ABCA13: variants seen among roughly 807,000 people sequenced by gnomAD.
The protein encoded by ABCA13 is ATP binding cassette subfamily A member 13, also known as ATP-binding cassette sub-family A member 13.
In ABCA13, 476 loss-of-function variants were observed where a neutral mutation model predicts 478.7. The observed-to-expected ratio is 0.99, with a 90% CI of 0.92 to 1.07. ABCA13 has a LOEUF of 1.07. ABCA13 is among the 50% of genes least tolerant of loss of function. The probability of loss-of-function intolerance (pLI) is 0.00; values close to 1 mark genes in which losing one functional copy is unlikely to be tolerated. For synonymous variants in ABCA13, 2,252 were observed against 2,158.9 expected (o/e 1.04, Z -1.20); for missense variants, 6,060 against 5,910.6 (o/e 1.03, Z -0.83).
At chr7:48,587,103 G>A in intron 56 of ABCA13, 51 bp from the exon 57 acceptor site, 9 of 1,607,696 alleles carry the variant, frequency 5.6e-6, no homozygotes, top group Non-Finnish European at 5.9e-6. Context: ...CAGCTGTCTG[G>A]TGGGCACTTT....
chr7:48,294,779 C>G (rs1304754351), intron 20 of ABCA13, among the ~76,000 whole-genome samples: 1 of 152,194 alleles, frequency 6.6e-6, no homozygotes, highest in East Asian at 1.9e-4. Context: ...AAAAGTTTGA[C>G]TCTACATGTA....
intron 16 of ABCA13, among the ~76,000 whole-genome samples, chr7:48,271,326 G>A (rs987597518): frequency 8.1e-6 from 1 of 123,596 alleles, no homozygotes; most frequent in African/African-American, 3.3e-5. Context: ...GATGTATATA[G>A]TATTGTTGAA....
At chr7:48,177,519 C>A (rs190801647) in intron 1 of ABCA13, among the ~76,000 whole-genome samples, 1 of 152,196 alleles carries the variant, frequency 6.6e-6, no homozygotes, top group African/African-American at 2.4e-5. Context: ...CGCTCAGCTG[C>A]AGACTCCAGC....
At chr7:48,608,073 G>C (rs1417591197) in intron 58 of ABCA13, among the ~76,000 whole-genome samples, 1 of 152,072 alleles carries the variant, frequency 6.6e-6, no homozygotes, top group Admixed American at 6.5e-5. Context: ...TAGAGACAGG[G>C]TTTCACCATG....
At chr7:48,545,424 C>A (rs1784736737) in intron 55 of ABCA13, among the ~76,000 whole-genome samples, 1 of 151,686 alleles carries the variant, frequency 6.6e-6, no homozygotes, top group Non-Finnish European at 1.5e-5. Context: ...AATTTGACTA[C>A]CTGTGATCTG....
chr7:48,554,756 ATAT>A (rs1169953309), intron 55 of ABCA13, among the ~76,000 whole-genome samples: 1 of 151,136 alleles, frequency 6.6e-6, no homozygotes, highest in African/African-American at 2.4e-5. Flanking sequence ...ATATAAGATA[ATAT>A]TATCTGCAGC....
At chr7:48,238,865 T>C (rs995254779) in intron 8 of ABCA13, among the ~76,000 whole-genome samples, 2 of 152,240 alleles carry the variant, frequency 1.3e-5, no homozygotes, top group Non-Finnish European at 2.9e-5. Flanking sequence ...TCCAATTTTA[T>C]CCACTTTTGA....
intron 45 of ABCA13, among the ~76,000 whole-genome samples, chr7:48,472,379 A>T (rs1827592142): frequency 6.6e-6 from 1 of 152,184 alleles, no homozygotes; most frequent in Non-Finnish European, 1.5e-5. Context: ...AACTGAGACA[A>T]ATTAATATAG....
intron 24 of ABCA13, among the ~76,000 whole-genome samples, chr7:48,311,058 C>T (rs1801704391): frequency 6.6e-6 from 1 of 152,152 alleles, no homozygotes; most frequent in Admixed American, 6.5e-5. Context: ...CCATTGTTTT[C>T]CCTTTAGGGA....
At chr7:48,471,348 A>AAG (rs1425199483) in intron 44 of ABCA13, among the ~76,000 whole-genome samples, 182 bp from the exon 45 acceptor site, 1 of 152,240 alleles carries the variant, frequency 6.6e-6, no homozygotes, top group African/African-American at 2.4e-5. Context: ...GCGTTGTAAT[A>AAG]AAACATTGTC....
At chr7:48,544,935 G>A (rs1784683938) in intron 55 of ABCA13, among the ~76,000 whole-genome samples, 1 of 151,904 alleles carries the variant, frequency 6.6e-6, no homozygotes, top group Non-Finnish European at 1.5e-5. Context: ...AGAACATTCA[G>A]CTGGTGTCTG....
chr7:48,322,299 A>G lies in ABCA13; in HGVS notation c.9999+5003A>G, dbSNP rs530152604. On this transcript the variant is annotated intron_variant, in intron 27 of 61. Coordinates refer to ENST00000435803, the MANE Select transcript of ABCA13 (RefSeq NM_152701.5). ...GTTATGTTTGTTTCCAAGTCTTCCC[A>G]TGCTGCTCAAGATGGCAAAGTTTTT... Among the ~76,000 whole-genome samples the G allele has an allele frequency of 1.3e-3, 202 of 152,316 alleles. 2 individuals are homozygous for G. The highest frequency in any genetic ancestry group is 4.4e-3 in the African/African-American group (181 of 41,578).
chr7:48,516,972 G>A, intron 52 of ABCA13, 91 bp downstream of exon 52: 1 of 1,346,472 alleles, frequency 7.4e-7, no homozygotes, highest in Non-Finnish European at 1.0e-6. Flanking sequence ...TTTTCTGACT[G>A]GAATTCAATG....
chr7:48,619,256 C>A (rs952759195), intron 59 of ABCA13, among the ~76,000 whole-genome samples: 6 of 151,900 alleles, frequency 3.9e-5, no homozygotes, highest in Middle Eastern at 3.4e-3. Context: ...TTCCTTGGAC[C>A]CCTGATCTAT....
At chr7:48,266,803 T>C (rs781475079) in intron 15 of ABCA13, among the ~76,000 whole-genome samples, 12 of 151,978 alleles carry the variant, frequency 7.9e-5, no homozygotes, top group Non-Finnish European at 1.6e-4. Flanking sequence ...TTTTGTTTTC[T>C]AATGTAGGTG....
chr7:48,295,809 G>A lies in ABCA13; in HGVS notation c.9065G>A (p.Gly3022Asp), dbSNP rs907739448. The change falls in exon 21 of 62, where the codon GGC becomes GAC. Residue 3022 changes from glycine to aspartate, a missense_variant. Gly to Asp is a moderately conservative substitution (Grantham distance 94, BLOSUM62 -1). Around this residue, in one of 3 missense-constraint regions of ABCA13, gnomAD observed 4,423 missense variants for 4,309.1 expected, o/e 1.03. Coordinates refer to ENST00000435803, the MANE Select transcript of ABCA13 (RefSeq NM_152701.5). ...SFKSSLENATGQDCTSQPRLE... is the reference protein window; with the variant it reads ...SFKSSLENATDQDCTSQPRLE... ...AAGAGCAGCTTGGAAAATGCCACTG[G>A]CCAGGACTGCACAAGCCAGCCGAGG... 5.0e-6 allele frequency: 8 copies of A among 1,613,916 alleles called. No homozygotes were observed. The East Asian group carries it at 1.8e-4, about 36-fold the overall frequency.
rs917987175 is a variant in ABCA13 at position 48,244,641 on chromosome 7, G to A, written c.1328G>A (p.Arg443Lys). 6.2e-7 allele frequency: 1 copy of A among 1,612,862 alleles called. No individual in the cohort carries two copies. Among genetic ancestry groups the A allele is most frequent in the Admixed American group, 1.7e-5 (1 of 59,976 alleles). Reference protein sequence around the residue: ...QNLPQWPALKRFLQLDGALRN... With the variant: ...QNLPQWPALKKFLQLDGALRN... ...CTGCCCCAGTGGCCGGCACTGAAGA[G>A]ATTTCTTCAGCTTGATGGAGCTCTC... The change falls in exon 11 of 62, where the codon AGA (arginine) becomes AAA (lysine). Residue 443 changes from arginine to lysine, a missense_variant. By Grantham distance (26) the Arg-to-Lys change is conservative. This residue lies in a region of ABCA13 where 4,423 missense variants were observed against 4,309.1 expected (regional missense o/e 1.03). Coordinates refer to ENST00000435803, the MANE Select transcript of ABCA13 (RefSeq NM_152701.5).
intron 27 of ABCA13, among the ~76,000 whole-genome samples, chr7:48,332,837 A>AT (rs1033167711): frequency 1.3e-5 from 2 of 152,162 alleles, no homozygotes; most frequent in Non-Finnish European, 2.9e-5. Flanking sequence ...TAGAGGTAAC[A>AT]TGTTATGGTT....
At chr7:48,435,006 A>G (rs527476990) in intron 42 of ABCA13, among the ~76,000 whole-genome samples, 1 of 151,888 alleles carries the variant, frequency 6.6e-6, no homozygotes. Flanking sequence ...GGGATTCTGT[A>G]TGGATTTTAA....
Sources: allele counts gnomAD v4.1 joint callset (sites outside exome capture counted in the v4.1 genomes callset), GRCh38; gene constraint gnomAD v4.1.1; regional missense constraint gnomAD v4.1.1; transcripts MANE v1.5; gene names NCBI Gene and HGNC (gene_info 2026-07-23, HGNC 2026-07-21).